Variants in RBMS1 observed in about 807,000 individuals in gnomAD.
RBMS1 encodes RNA-binding motif, single-stranded-interacting protein 1.
In RBMS1, 17 loss-of-function variants were observed where a neutral mutation model predicts 62.3. The ratio of observed to expected loss-of-function variants is 0.27; its 90% CI spans 0.19 to 0.41. RBMS1 has a LOEUF of 0.41. Among genes scored for constraint, RBMS1 ranks in the 10% least tolerant of loss-of-function variants. RBMS1 has a pLI of 1.00. For synonymous variants in RBMS1, 172 were observed against 170.0 expected (o/e 1.01, Z -0.09); for missense variants, 334 against 504.5 (o/e 0.66, Z 3.24).
intron 9 of RBMS1, chr2:160,281,708 T>C (rs1417207069): frequency 4.9e-6 from 1 of 203,452 alleles, no homozygotes; most frequent in Non-Finnish European, 9.9e-6. Context: ...TAGTGAAAAG[T>C]GTTAACAATC....
chr2:160,300,765 A>T, intron 5 of RBMS1, 35 bp from the exon 6 acceptor site: 1 of 1,505,658 alleles, frequency 6.6e-7, no homozygotes, highest in Non-Finnish European at 8.9e-7. Context: ...ATAAATATTT[A>T]AAGGTTTCTT....
At chr2:160,326,640 C>A (rs544658730) in intron 2 of RBMS1, among the ~76,000 whole-genome samples, 1 of 152,080 alleles carries the variant, frequency 6.6e-6, no homozygotes, top group Non-Finnish European at 1.5e-5. Context: ...GTAAGATTAA[C>A]GAAAATTTTT....
At chr2:160,317,212 T>G (rs193232402) in intron 3 of RBMS1, among the ~76,000 whole-genome samples, 14 of 152,322 alleles carry the variant, frequency 9.2e-5, no homozygotes, top group African/African-American at 3.4e-4. Flanking sequence ...TTAAAGGAAA[T>G]GCTTGGCTTA....
intron 1 of RBMS1, among the ~76,000 whole-genome samples, chr2:160,466,717 A>G (rs1684710331): frequency 6.6e-6 from 1 of 152,228 alleles, no homozygotes; most frequent in Non-Finnish European, 1.5e-5. Context: ...AAGTAACTTA[A>G]GTGAACCTAA....
intron 1 of RBMS1, among the ~76,000 whole-genome samples, chr2:160,450,391 T>G (rs1451165219): frequency 1.3e-5 from 2 of 151,832 alleles, no homozygotes; most frequent in Non-Finnish European, 2.9e-5. Flanking sequence ...ATACAAAAAA[T>G]TAGCCGGGCG....
chr2:160,297,476 G>C (rs1157019060), intron 6 of RBMS1, among the ~76,000 whole-genome samples: 1 of 152,170 alleles, frequency 6.6e-6, no homozygotes, highest in African/African-American at 2.4e-5. Flanking sequence ...GCATAGTATG[G>C]CTCAAAAGTT....
At chr2:160,282,106 G>C (rs1688131581) in intron 9 of RBMS1, 1 of 612,376 alleles carries the variant, frequency 1.6e-6, no homozygotes, top group African/African-American at 1.9e-5. Context: ...GATGCCCAGA[G>C]CTTTCCAGAG....
intron 2 of RBMS1, among the ~76,000 whole-genome samples, chr2:160,347,094 A>G (rs1692228982): frequency 1.3e-5 from 2 of 152,166 alleles, no homozygotes; most frequent in Admixed American, 6.5e-5. Flanking sequence ...GAATATCAGA[A>G]AAATGAATGA....
At chr2:160,440,963 T>C (rs1262498424) in intron 1 of RBMS1, among the ~76,000 whole-genome samples, 1 of 152,248 alleles carries the variant, frequency 6.6e-6, no homozygotes, top group African/African-American at 2.4e-5. Context: ...TTGTATACAG[T>C]TGTGTAACCA....
At chr2:160,399,850 A>G (rs1475421173) in intron 1 of RBMS1, among the ~76,000 whole-genome samples, 2 of 152,228 alleles carry the variant, frequency 1.3e-5, no homozygotes, top group African/African-American at 4.8e-5. Flanking sequence ...TAAGAAAAAA[A>G]GGGGGAGATT....
chr2:160,490,519 C>T (rs1180206158), intron 1 of RBMS1, among the ~76,000 whole-genome samples: 1 of 151,888 alleles, frequency 6.6e-6, no homozygotes, highest in African/African-American at 2.4e-5. Flanking sequence ...ACAAAGCATA[C>T]CAATATGGTC....
intron 2 of RBMS1, among the ~76,000 whole-genome samples, chr2:160,346,345 G>C (rs1692172556): frequency 1.3e-5 from 2 of 152,116 alleles, no homozygotes; most frequent in Admixed American, 1.3e-4. Flanking sequence ...TGCTGCATGG[G>C]GCCCTGGGGC....
intron 2 of RBMS1, among the ~76,000 whole-genome samples, chr2:160,327,045 T>C (rs1439015842): frequency 6.6e-6 from 1 of 152,204 alleles, no homozygotes; most frequent in Non-Finnish European, 1.5e-5. Context: ...CCTCATGTGG[T>C]CTAACTCTCA....
At chr2:160,397,500 A>G (rs1695209354) in intron 1 of RBMS1, among the ~76,000 whole-genome samples, 1 of 151,950 alleles carries the variant, frequency 6.6e-6, no homozygotes, top group Non-Finnish European at 1.5e-5. Flanking sequence ...TCTTTTTTCT[A>G]GCACCTTGCT....
At chr2:160,295,641 C>CT (rs1305475743) in intron 6 of RBMS1, among the ~76,000 whole-genome samples, 1 of 152,176 alleles carries the variant, frequency 6.6e-6, no homozygotes, top group Non-Finnish European at 1.5e-5. Context: ...AAATCTAGGG[C>CT]TTTTATTTCC....
chr2:160,324,878 GTGTGTATA>G (rs1451447546), intron 2 of RBMS1, among the ~76,000 whole-genome samples: 3 of 75,398 alleles, frequency 4.0e-5, no homozygotes, highest in African/African-American at 1.6e-4. Flanking sequence ...GTGTGTGTGT[GTGTGTATA>G]TATATATATA....
At chr2:160,275,605 A>G in intron 13 of RBMS1, 25 bp downstream of exon 13, 1 of 1,610,116 alleles carries the variant, frequency 6.2e-7, no homozygotes, top group Non-Finnish European at 8.5e-7. Context: ...TGAGCCCCCC[A>G]GTTATGAAGA....
intron 2 of RBMS1, among the ~76,000 whole-genome samples, chr2:160,355,854 T>G (rs1692766140): frequency 6.6e-6 from 1 of 152,082 alleles, no homozygotes; most frequent in African/African-American, 2.4e-5. Flanking sequence ...GAAGTTCATT[T>G]TCTACACCTC....
intron 1 of RBMS1, among the ~76,000 whole-genome samples, chr2:160,437,831 T>C (rs564722160): frequency 6.9e-4 from 105 of 152,336 alleles, no homozygotes; most frequent in African/African-American, 2.3e-3. Flanking sequence ...TCACAGTTTT[T>C]CTAAAGTCAA....
Sources: gnomAD v4.1 joint callset for allele counts (sites outside exome capture counted in the v4.1 genomes callset) on GRCh38, gnomAD v4.1.1 for gene constraint, MANE v1.5 for transcripts, NCBI Gene and HGNC (gene_info 2026-07-23, HGNC 2026-07-21) for gene names.